ENOX1: variants seen among roughly 807,000 people sequenced by gnomAD.
ENOX1 encodes ecto-NOX disulfide-thiol exchanger 1.
ENOX1 carries 42 observed loss-of-function variants against 82.5 expected under a neutral mutation model. That is an observed-to-expected ratio of 0.51 (90% CI 0.40 to 0.66). The LOEUF is 0.66. ENOX1 is among the 30% of genes least tolerant of loss of function. The pLI is 0.00. For synonymous variants in ENOX1, 271 were observed against 282.2 expected (o/e 0.96, Z 0.40); for missense variants, 608 against 811.6 (o/e 0.75, Z 3.05).
intron 14 of ENOX1, among the ~76,000 whole-genome samples, chr13:43,263,527 C>CTT (rs1313496411): frequency 6.6e-6 from 1 of 152,212 alleles, no homozygotes; most frequent in African/African-American, 2.4e-5. Flanking sequence ...TAATAAGTGA[C>CTT]TTTTAAAATT....
intron 12 of ENOX1, among the ~76,000 whole-genome samples, chr13:43,291,366 T>C (rs903741289): frequency 6.6e-5 from 10 of 152,226 alleles, no homozygotes; most frequent in African/African-American, 1.7e-4. Flanking sequence ...ACAGAAATAG[T>C]GTGGAGAGCA....
At chr13:43,750,461 G>A (rs1169959767) in intron 1 of ENOX1, among the ~76,000 whole-genome samples, 1 of 152,200 alleles carries the variant, frequency 6.6e-6, no homozygotes, top group African/African-American at 2.4e-5. Flanking sequence ...CCCTAGGGTA[G>A]ATAGGCCTGG....
At chr13:43,445,621 T>G (rs184454305) in intron 3 of ENOX1, among the ~76,000 whole-genome samples, 3 of 152,288 alleles carry the variant, frequency 2.0e-5, no homozygotes, top group Admixed American at 2.0e-4. Flanking sequence ...TGGATCTCAA[T>G]GACCCAACTT....
intron 2 of ENOX1, among the ~76,000 whole-genome samples, chr13:43,504,025 T>C (rs2077066212): frequency 6.6e-6 from 1 of 151,522 alleles, no homozygotes; most frequent in Admixed American, 6.6e-5. Flanking sequence ...CCAATAAAAA[T>C]GGGTAAAGAA....
At chr13:43,500,697 T>C (rs867556482) in intron 2 of ENOX1, among the ~76,000 whole-genome samples, 22 of 151,964 alleles carry the variant, frequency 1.4e-4, no homozygotes, top group African/African-American at 9.7e-5. Context: ...ACAATGTATA[T>C]TGTAATGAAG....
At chr13:43,632,261 T>A (rs1296388826) in intron 2 of ENOX1, among the ~76,000 whole-genome samples, 1 of 152,268 alleles carries the variant, frequency 6.6e-6, no homozygotes, top group East Asian at 1.9e-4. Flanking sequence ...TTCAGAAATA[T>A]TTAAATTTAG....
At chr13:43,428,503 G>C (rs893050270) in intron 3 of ENOX1, among the ~76,000 whole-genome samples, 1 of 152,204 alleles carries the variant, frequency 6.6e-6, no homozygotes, top group Non-Finnish European at 1.5e-5. Context: ...TGTACTGCCT[G>C]ATAGAATGCA....
intron 3 of ENOX1, among the ~76,000 whole-genome samples, chr13:43,415,232 G>GTTTTTTTTTTT (rs71202260): frequency 5.5e-5 from 3 of 54,632 alleles, no homozygotes; most frequent in African/African-American, 1.5e-4. Context: ...CCAATCCAAT[G>GTTTTTTTTTTT]TTTTTTTTTT....
At chr13:43,458,649 G>C (rs2057331938) in intron 3 of ENOX1, 1 of 152,032 alleles carries the variant, frequency 6.6e-6, no homozygotes, top group African/African-American at 2.4e-5. Flanking sequence ...AAACAATAAA[G>C]GAAAATATTT....
intron 1 of ENOX1, among the ~76,000 whole-genome samples, chr13:43,754,523 G>T (rs559940866): frequency 2.0e-5 from 3 of 151,104 alleles, no homozygotes; most frequent in African/African-American, 7.3e-5. Flanking sequence ...AGCAGAGACG[G>T]GGTTTCACCA....
intron 2 of ENOX1, among the ~76,000 whole-genome samples, chr13:43,618,899 A>C (rs1439163095): frequency 1.3e-5 from 2 of 151,602 alleles, no homozygotes; most frequent in Non-Finnish European, 2.9e-5. Context: ...TGTTCGTGTC[A>C]TCTATTATTT....
At chr13:43,301,174 G>A (rs893821086) in intron 11 of ENOX1, among the ~76,000 whole-genome samples, 2 of 152,128 alleles carry the variant, frequency 1.3e-5, no homozygotes, top group African/African-American at 4.8e-5. Context: ...GCTCTATTTG[G>A]CCCTTTTTCA....
intron 14 of ENOX1, among the ~76,000 whole-genome samples, chr13:43,260,935 A>C (rs1287067861): frequency 6.6e-6 from 1 of 152,228 alleles, no homozygotes; most frequent in Non-Finnish European, 1.5e-5. Context: ...TCCAGTTCCA[A>C]CTACAAAGAG....
chr13:43,634,256 T>C (rs2083330897), intron 2 of ENOX1, among the ~76,000 whole-genome samples: 1 of 152,150 alleles, frequency 6.6e-6, no homozygotes. Context: ...CTGAGGTGTA[T>C]TATTTCCTAT....
chr13:43,768,323 T>C (rs937662131), intron 1 of ENOX1, among the ~76,000 whole-genome samples: 1 of 152,182 alleles, frequency 6.6e-6, no homozygotes, highest in Admixed American at 6.5e-5. Context: ...ATTTCTAGGC[T>C]GAGTGTGTTG....
intron 1 of ENOX1, among the ~76,000 whole-genome samples, chr13:43,701,288 A>G (rs1014997340): frequency 2.0e-5 from 3 of 152,190 alleles, no homozygotes; most frequent in Non-Finnish European, 2.9e-5. Flanking sequence ...GTGACTGTAT[A>G]TGTTGTGGTG....
chr13:43,239,236 C>A (rs1021924295), intron 14 of ENOX1, among the ~76,000 whole-genome samples: 7 of 152,270 alleles, frequency 4.6e-5, no homozygotes, highest in Admixed American at 6.5e-5. Flanking sequence ...GCAGTCATGG[C>A]CAGTGACTGG....
chr13:43,661,312 C>T (rs186878006), intron 2 of ENOX1, among the ~76,000 whole-genome samples: 68 of 152,236 alleles, frequency 4.5e-4, no homozygotes, highest in African/African-American at 1.2e-3. Flanking sequence ...GAATACTGTG[C>T]GCGTTGCAAA....
chr13:43,321,831 A>G (rs912482363), intron 11 of ENOX1, among the ~76,000 whole-genome samples: 5 of 152,250 alleles, frequency 3.3e-5, no homozygotes, highest in Admixed American at 2.0e-4. Context: ...TTAAATCAGC[A>G]GCTCCCATTA....
Sources: allele counts gnomAD v4.1 joint callset (sites outside exome capture counted in the v4.1 genomes callset), GRCh38; gene constraint gnomAD v4.1.1; transcripts MANE v1.5; gene names NCBI Gene and HGNC (gene_info 2026-07-23, HGNC 2026-07-21).